GRM3: variants seen among roughly 807,000 people sequenced by gnomAD.
GRM3 encodes glutamate metabotropic receptor 3, also known as metabotropic glutamate receptor 3.
Under a neutral mutation model 70.5 loss-of-function variants are expected in GRM3, and 26 were observed. That is an observed-to-expected ratio of 0.37 (90% CI 0.27 to 0.51). The LOEUF (loss-of-function observed/expected upper bound fraction) is 0.51, where lower values mean the gene tolerates loss of function less well. Ranked by LOEUF, GRM3 falls within the 20% of genes least tolerant of loss-of-function variation. The pLI is 0.93. For synonymous variants in GRM3, 443 were observed against 434.9 expected (o/e 1.02, Z -0.23); for missense variants, 859 against 1,123.8 (o/e 0.76, Z 3.37).
chr7:86,732,872 G>T (rs998904807), intron 1 of GRM3, among the ~76,000 whole-genome samples: 1 of 152,170 alleles, frequency 6.6e-6, no homozygotes, highest in Non-Finnish European at 1.5e-5. Flanking sequence ...CAAGGGACTG[G>T]CATGATCTAG....
In GRM3 at chr7:86,765,175, T is replaced by C. The variant is rs1364002117; in HGVS notation, c.30T>C (p.Leu10=). 3 of 1,594,756 alleles carry C rather than the reference T, an allele frequency of 1.9e-6. No homozygotes were observed. The highest frequency in any genetic ancestry group is 1.7e-6 in the Non-Finnish European group (2 of 1,173,194). Residue 10 remains leucine (L), a synonymous_variant, in exon 2 of 6, where the codon CTT becomes CTC. Transcript: ENST00000361669. ...AGATGTTGACAAGACTGCAAGTTCT[T>C]ACCTTAGCTTTGTTTTCAAAGGGAT... MKMLTRLQV[L]TLALFSKGFL... is the part of the protein sequence containing the mutation.
intron 2 of GRM3, among the ~76,000 whole-genome samples, chr7:86,771,079 A>G (rs1373311288): frequency 6.6e-6 from 1 of 152,132 alleles, no homozygotes; most frequent in Non-Finnish European, 1.5e-5. Flanking sequence ...TAGAGCCAAC[A>G]TAAGGAAGAC....
At chr7:86,817,930 C>T (rs1798047437) in intron 3 of GRM3, among the ~76,000 whole-genome samples, 1 of 152,028 alleles carries the variant, frequency 6.6e-6, no homozygotes. Context: ...TTTGAATCTA[C>T]TGCAGTAGAT....
chr7:86,726,793 T>G (rs1795603440), intron 1 of GRM3, among the ~76,000 whole-genome samples: 4 of 152,224 alleles, frequency 2.6e-5, no homozygotes. Context: ...TATTGCCAAT[T>G]AATACAGTCA....
At chr7:86,684,891 T>G (rs1432428126) in intron 1 of GRM3, among the ~76,000 whole-genome samples, 1 of 152,244 alleles carries the variant, frequency 6.6e-6, no homozygotes, top group Admixed American at 6.5e-5. Context: ...TTTTCTCATC[T>G]GTTACATGTG....
At chr7:86,740,342 G>A (rs185170057) in intron 1 of GRM3, among the ~76,000 whole-genome samples, 106 of 152,016 alleles carry the variant, frequency 7.0e-4, no homozygotes, top group African/African-American at 2.5e-3. Flanking sequence ...CTCTTAATCC[G>A]GAAAATCTGG....
At chr7:86,857,386 A>G (rs764033881) in intron 5 of GRM3, among the ~76,000 whole-genome samples, 4 of 152,192 alleles carry the variant, frequency 2.6e-5, no homozygotes, top group Non-Finnish European at 5.9e-5. Context: ...GAAAGAAATG[A>G]GAAAGTACTA....
At chr7:86,770,835 C>T (rs1796721101) in intron 2 of GRM3, among the ~76,000 whole-genome samples, 1 of 152,070 alleles carries the variant, frequency 6.6e-6, no homozygotes. Flanking sequence ...CAAGTACACT[C>T]TCTCTGTGGA....
intron 3 of GRM3, among the ~76,000 whole-genome samples, chr7:86,791,473 T>C (rs931277081): frequency 4.6e-5 from 7 of 151,774 alleles, no homozygotes; most frequent in Admixed American, 6.6e-5. Flanking sequence ...AAGAGACCCA[T>C]CACTGTTTTA....
rs924598955 is a variant in GRM3 at position 86,712,317 on chromosome 7, C to T, written c.-140-52689C>T. 7.2e-5 allele frequency among the ~76,000 whole-genome samples: 11 copies of T among 152,108 alleles called. 1 individual carries two copies. In the South Asian group the frequency reaches 1.0e-3, roughly 14 times the overall value. Reference sequence around the variant, plus strand: ...TGTTCTCTTCCTAAAACTCCTTTAGCGTTATGTCACTTCATCACTCCTCTA... The same window carrying T: ...TGTTCTCTTCCTAAAACTCCTTTAGTGTTATGTCACTTCATCACTCCTCTA... On this transcript the variant is annotated intron_variant, in intron 1 of 5. Transcript: ENST00000361669.
In GRM3 at chr7:86,756,117, C is replaced by A. The variant is rs192380491; in HGVS notation, c.-140-8889C>A. Reference sequence around the variant, plus strand: ...CCTGAAATGGAGTTTAACTTCTGTGCCCCCAGACTGGAGTGCAATGGCGTG... The same window carrying A: ...CCTGAAATGGAGTTTAACTTCTGTGACCCCAGACTGGAGTGCAATGGCGTG... On this transcript the variant is annotated intron_variant, in intron 1 of 5. Transcript: ENST00000361669. Among the ~76,000 whole-genome samples the A allele has an allele frequency of 2.3e-3, 344 of 152,172 alleles. 1 individual carries two copies. Among genetic ancestry groups the A allele is most frequent in the Non-Finnish European group, 4.2e-3 (284 of 67,990 alleles).
At chr7:86,721,182 G>A (rs1584192412) in intron 1 of GRM3, among the ~76,000 whole-genome samples, 2 of 152,172 alleles carry the variant, frequency 1.3e-5, no homozygotes, top group Admixed American at 6.5e-5. Flanking sequence ...TACCAAGTTG[G>A]TAACAAATTA....
intron 1 of GRM3, among the ~76,000 whole-genome samples, chr7:86,719,020 A>G (rs1319091490): frequency 6.6e-6 from 1 of 151,952 alleles, no homozygotes. Context: ...GGACCTTGGA[A>G]CAATACCTTT....
intron 1 of GRM3, among the ~76,000 whole-genome samples, chr7:86,708,298 T>C (rs1485476489): frequency 1.3e-5 from 2 of 152,122 alleles, no homozygotes; most frequent in Non-Finnish European, 2.9e-5. Flanking sequence ...ATAGTTTGTA[T>C]CACCAGTTCT....
chr7:86,714,256 C>T (rs1368541307), intron 1 of GRM3, among the ~76,000 whole-genome samples: 2 of 151,996 alleles, frequency 1.3e-5, no homozygotes, highest in African/African-American at 4.8e-5. Flanking sequence ...GAGACCAGGA[C>T]TGACCCAATT....
intron 1 of GRM3, among the ~76,000 whole-genome samples, chr7:86,697,983 C>T (rs752358890): frequency 1.3e-4 from 20 of 152,114 alleles, no homozygotes; most frequent in Non-Finnish European, 2.6e-4. Context: ...TAGATGAAAA[C>T]TCTAAGACTC....
chr7:86,765,137 A>T lies in GRM3; in HGVS notation c.-9A>T. 6.4e-7 allele frequency: 1 copy of T among 1,557,838 alleles called. No homozygotes were observed. The highest frequency in any genetic ancestry group is 8.6e-7 in the Non-Finnish European group (1 of 1,156,848). ...ATTGATATCTCCCAGAGGTACAGAAACAGGATTCATGAAGATGTTGACAAG... is the reference window on the plus strand; with the variant it reads ...ATTGATATCTCCCAGAGGTACAGAATCAGGATTCATGAAGATGTTGACAAG... On this transcript the variant is annotated 5_prime_UTR_variant, in exon 2 of 6. Transcript: ENST00000361669.
chr7:86,852,984 A>G (rs1400674981), intron 5 of GRM3, among the ~76,000 whole-genome samples: 2 of 152,182 alleles, frequency 1.3e-5, no homozygotes. Context: ...TTTCATATCA[A>G]GAAATTTATT....
intron 3 of GRM3, among the ~76,000 whole-genome samples, chr7:86,818,251 A>G (rs1205888039): frequency 1.3e-5 from 2 of 152,214 alleles, no homozygotes; most frequent in East Asian, 3.9e-4. Context: ...TAAATAAAAC[A>G]TGGTCTCTAC....
Sources: gnomAD v4.1 joint callset for allele counts (sites outside exome capture counted in the v4.1 genomes callset) on GRCh38, gnomAD v4.1.1 for gene constraint, MANE v1.5 for transcripts, NCBI Gene and HGNC (gene_info 2026-07-23, HGNC 2026-07-21) for gene names.